Variants in TRAPPC12 observed in about 807,000 individuals in gnomAD.
TRAPPC12 encodes the protein TPR repeat protein 15.
In TRAPPC12, 61 loss-of-function variants were observed where a neutral mutation model predicts 69.2. That is an observed-to-expected ratio of 0.88 (90% CI 0.72 to 1.09). TRAPPC12 has a LOEUF of 1.09. Ranked by LOEUF, TRAPPC12 falls within the 50% of genes least tolerant of loss-of-function variation. The pLI is 0.00. For synonymous variants in TRAPPC12, 469 were observed against 438.9 expected (o/e 1.07, Z -0.86); for missense variants, 1,101 against 1,016.4 (o/e 1.08, Z -1.13).
intron 3 of TRAPPC12, among the ~76,000 whole-genome samples, chr2:3,412,419 G>A (rs1232674677): frequency 1.3e-5 from 2 of 152,098 alleles, no homozygotes; most frequent in Admixed American, 1.3e-4. Flanking sequence ...AAAATTAGCC[G>A]GGTGTGGTGG....
At chr2:3,393,197 A>G (rs906341860) in intron 2 of TRAPPC12, among the ~76,000 whole-genome samples, 17 of 152,232 alleles carry the variant, frequency 1.1e-4, no homozygotes, top group Non-Finnish European at 2.1e-4. Context: ...AAACCTTGCC[A>G]TTTGTGACTA....
chr2:3,467,521 C>G (rs998984110), intron 9 of TRAPPC12: 3 of 152,240 alleles, frequency 2.0e-5, no homozygotes, highest in Admixed American at 1.3e-4. Context: ...CCTCGCGCAG[C>G]TGACGACTGC....
intron 8 of TRAPPC12, among the ~76,000 whole-genome samples, chr2:3,464,349 A>C (rs920617363): frequency 6.6e-6 from 1 of 152,082 alleles, no homozygotes; most frequent in African/African-American, 2.4e-5. Context: ...AAGGTACTAG[A>C]CTGGAGAGAG....
chr2:3,431,619 T>C (rs1390121211), intron 5 of TRAPPC12, among the ~76,000 whole-genome samples: 1 of 152,190 alleles, frequency 6.6e-6, no homozygotes, highest in Non-Finnish European at 1.5e-5. Flanking sequence ...TTTAAATTGT[T>C]ACACTAGTGC....
chr2:3,433,321 C>T (rs917099044), intron 5 of TRAPPC12, among the ~76,000 whole-genome samples: 1 of 152,228 alleles, frequency 6.6e-6, no homozygotes, highest in Non-Finnish European at 1.5e-5. Flanking sequence ...AATGCCAGGG[C>T]AAACTTGTAA....
intron 3 of TRAPPC12, among the ~76,000 whole-genome samples, chr2:3,420,090 A>G (rs1662691403): frequency 1.3e-5 from 2 of 152,234 alleles, no homozygotes; most frequent in South Asian, 4.1e-4. Context: ...TACCAGCTTT[A>G]TCCATAGTTG....
chr2:3,396,432 G>T (rs2103455104), intron 2 of TRAPPC12, among the ~76,000 whole-genome samples: 1 of 152,158 alleles, frequency 6.6e-6, no homozygotes, highest in Admixed American at 6.5e-5. Flanking sequence ...TTTCACATGG[G>T]ATTTATGTTT....
intron 6 of TRAPPC12, among the ~76,000 whole-genome samples, chr2:3,445,141 A>T (rs1321553085): frequency 6.6e-6 from 1 of 152,196 alleles, no homozygotes; most frequent in Admixed American, 6.5e-5. Context: ...TGATTTGTGG[A>T]TGGAAAAGCC....
At chr2:3,474,891 G>A (rs928296564) in intron 9 of TRAPPC12, among the ~76,000 whole-genome samples, 3 of 152,098 alleles carry the variant, frequency 2.0e-5, no homozygotes, top group Non-Finnish European at 4.4e-5. Flanking sequence ...TGTGCCTGAG[G>A]ATTTTTCTGT....
intron 1 of TRAPPC12, among the ~76,000 whole-genome samples, chr2:3,385,855 G>A (rs1471871307): frequency 3.3e-5 from 5 of 152,212 alleles, no homozygotes; most frequent in Admixed American, 1.3e-4. Context: ...CCTTGTGCCC[G>A]GCCTCTATCC....
chr2:3,386,623 T>C (rs1426770096), intron 1 of TRAPPC12, among the ~76,000 whole-genome samples: 1 of 152,194 alleles, frequency 6.6e-6, no homozygotes, highest in Non-Finnish European at 1.5e-5. Flanking sequence ...GTGAGTGTGC[T>C]GTTTTCTTAC....
At chr2:3,453,654 G>T (rs2103124118) in intron 6 of TRAPPC12, among the ~76,000 whole-genome samples, 1 of 152,248 alleles carries the variant, frequency 6.6e-6, no homozygotes, top group South Asian at 2.1e-4. Context: ...CACAAACACG[G>T]GACTGCTGAT....
intron 8 of TRAPPC12, among the ~76,000 whole-genome samples, chr2:3,462,083 G>C (rs1229635983): frequency 1.3e-5 from 2 of 152,236 alleles, no homozygotes; most frequent in African/African-American, 4.8e-5. Flanking sequence ...AAATTCACAG[G>C]ACTGACGTTT....
chr2:3,382,729 A>G lies in TRAPPC12; in HGVS notation c.-5+2853A>G, dbSNP rs1490923698. Among the ~76,000 whole-genome samples the G allele has an allele frequency of 3.3e-5, 5 of 152,170 alleles. No individual in the cohort carries two copies. In the East Asian group the frequency reaches 9.7e-4, roughly 29 times the overall value. On this transcript the variant is annotated intron_variant, in intron 1 of 11. Coordinates refer to ENST00000324266, the MANE Select transcript of TRAPPC12 (RefSeq NM_016030.6). ...CACTTGAGCTCAGAAGTTTGAGACC[A>G]GCCTGGCCAACATATTGAGTCCCCA...
intron 2 of TRAPPC12, among the ~76,000 whole-genome samples, chr2:3,391,060 T>A (rs565251872): frequency 1.4e-4 from 21 of 152,324 alleles, no homozygotes; most frequent in Admixed American, 5.2e-4. Flanking sequence ...CATAGTATGA[T>A]AAAATTTTTA....
chr2:3,437,647 TC>T (rs1233109372), intron 5 of TRAPPC12, among the ~76,000 whole-genome samples: 10 of 19,150 alleles, frequency 5.2e-4, no homozygotes, highest in African/African-American at 1.7e-3. Context: ...CCTGGATTAA[TC>T]CCCCCATCAC....
At chr2:3,439,963 A>G (rs1226103799) in intron 5 of TRAPPC12, among the ~76,000 whole-genome samples, 1 of 151,382 alleles carries the variant, frequency 6.6e-6, no homozygotes, top group Admixed American at 6.6e-5. Context: ...CCATTGAATT[A>G]CCTTTATTCC....
At chr2:3,410,846 A>G (rs1242607578) in intron 3 of TRAPPC12, among the ~76,000 whole-genome samples, 1 of 152,200 alleles carries the variant, frequency 6.6e-6, no homozygotes, top group African/African-American at 2.4e-5. Flanking sequence ...CCAGGCCAAC[A>G]TGGTGAAACC....
At chr2:3,380,943 A>G (rs950262932) in intron 1 of TRAPPC12, among the ~76,000 whole-genome samples, 2 of 152,240 alleles carry the variant, frequency 1.3e-5, no homozygotes, top group Non-Finnish European at 2.9e-5. Context: ...CTAAGACTCA[A>G]CACAGTTATT....
Sources: allele counts gnomAD v4.1 joint callset (sites outside exome capture counted in the v4.1 genomes callset), GRCh38; gene constraint gnomAD v4.1.1; transcripts MANE v1.5; gene names NCBI Gene and HGNC (gene_info 2026-07-23, HGNC 2026-07-21).